The following RTTN variants were observed in gnomAD, a reference collection of about 807,000 sequenced individuals.
The protein encoded by RTTN is rotatin.
In RTTN, 182 loss-of-function variants were observed where a neutral mutation model predicts 269.2. That is an observed-to-expected ratio of 0.68 (90% confidence interval 0.60 to 0.76). RTTN has a LOEUF of 0.76. RTTN is among the 30% of genes least tolerant of loss of function. The probability of loss-of-function intolerance (pLI) is 0.00; values close to 1 mark genes in which losing one functional copy is unlikely to be tolerated. For synonymous variants in RTTN, 1,006 were observed against 963.5 expected (o/e 1.04, Z -0.82); for missense variants, 2,545 against 2,608.6 (o/e 0.98, Z 0.53).
chr18:70,145,838 A>T (rs1599763362), intron 17 of RTTN, 55 bp from the exon 18 acceptor site: 2 of 1,351,032 alleles, frequency 1.5e-6, no homozygotes, highest in Non-Finnish European at 1.0e-6. Flanking sequence ...TGTCTATTTT[A>T]AAAGGGCTTG....
At position 70,114,465 on chromosome 18, in the gene RTTN, A is replaced by C. The variant is rs555257045; in HGVS notation, c.3663T>G (p.Asn1221Lys). ...LIALFDTLLL[N>K]FMEVTDRKCS... ...GGTACCTGTCAGTAACTTCCATGAA[A>C]TTGAGCAGCAAGGTATCAAAAAGAG... The change falls in exon 27 of 49, where the codon AAT (asparagine) becomes AAG (lysine). Residue 1221 changes from asparagine to lysine, a missense_variant. Transcript: ENST00000640769. 5.1e-5 allele frequency: 83 copies of C among 1,613,170 alleles called. No homozygotes were observed. In the East Asian group the frequency reaches 1.7e-3, roughly 34 times the overall value.
intron 40 of RTTN, among the ~76,000 whole-genome samples, chr18:70,039,407 G>GAA (rs796677303): frequency 7.1e-6 from 1 of 141,800 alleles, no homozygotes; most frequent in Non-Finnish European, 1.5e-5. Context: ...GTGCTGCAGG[G>GAA]AAAAAAAAAA....
intron 36 of RTTN, among the ~76,000 whole-genome samples, chr18:70,058,311 G>A: frequency 6.6e-6 from 1 of 152,194 alleles, no homozygotes; most frequent in East Asian, 1.9e-4. Flanking sequence ...GGGGTCAGGA[G>A]TTCAAGACCA....
chr18:70,096,368 GAA>G (rs1475859961), intron 28 of RTTN, among the ~76,000 whole-genome samples: 1 of 152,196 alleles, frequency 6.6e-6, no homozygotes, highest in Non-Finnish European at 1.5e-5. Flanking sequence ...TCCTTTGGAG[GAA>G]AAGAGGCATT....
At chr18:70,198,710 T>C (rs1269561632) in intron 5 of RTTN, among the ~76,000 whole-genome samples, 1 of 152,204 alleles carries the variant, frequency 6.6e-6, no homozygotes, top group African/African-American at 2.4e-5. Flanking sequence ...CCCAACCTTA[T>C]CCACATGGTT....
intron 26 of RTTN, among the ~76,000 whole-genome samples, chr18:70,121,237 C>T (rs965163695): frequency 2.6e-5 from 4 of 152,050 alleles, no homozygotes; most frequent in African/African-American, 9.7e-5. Context: ...TCTCAACATG[C>T]CTATCTGGAC....
At chr18:70,088,189 T>C in intron 30 of RTTN, 42 bp from the exon 31 acceptor site, 1 of 1,543,604 alleles carries the variant, frequency 6.5e-7, no homozygotes, top group Non-Finnish European at 8.8e-7. Flanking sequence ...AAATAAGCCT[T>C]TTTCCTAACA....
In RTTN at chr18:70,150,013, G is replaced by A. The variant is rs2060495891; in HGVS notation, c.2130C>T (p.Asn710=). ...CAGGACAGAGAGATTCAATAAACTT[G>A]TTCCAGGTCAATGCTGTCATCATCA... ...GRLMMTALTW[N]KFIESLCPVI... The change falls in exon 16 of 49, where the codon AAC becomes AAT. Residue 710 remains asparagine (N), a synonymous_variant. Transcript: ENST00000640769. 1.2e-6 allele frequency: 2 copies of A among 1,613,172 alleles called. No individual in the cohort carries two copies. The highest frequency in any genetic ancestry group is 8.5e-7 in the Non-Finnish European group (1 of 1,179,376).
At chr18:70,046,501 T>C (rs147529963) in intron 40 of RTTN, among the ~76,000 whole-genome samples, 3,223 of 152,304 alleles carry the variant, frequency 0.021, 74 homozygotes, top group Non-Finnish European at 0.024. Context: ...TGGGAGACTT[T>C]TGAAAAGGTT....
intron 40 of RTTN, among the ~76,000 whole-genome samples, chr18:70,038,988 G>T (rs1001198452): frequency 6.6e-6 from 1 of 152,092 alleles, no homozygotes; most frequent in Non-Finnish European, 1.5e-5. Context: ...GTAAAAGAAA[G>T]AATTAGTAAA....
intron 17 of RTTN, among the ~76,000 whole-genome samples, chr18:70,146,432 G>A (rs77995316): frequency 9.1e-4 from 138 of 152,276 alleles, no homozygotes; most frequent in African/African-American, 3.2e-3. Context: ...TCACTGAGGC[G>A]GCAGATATTG....
intron 11 of RTTN, among the ~76,000 whole-genome samples, chr18:70,176,274 G>A (rs1021890543): frequency 1.3e-4 from 20 of 151,194 alleles, no homozygotes; most frequent in Non-Finnish European, 2.5e-4. Flanking sequence ...TAACAGCCAA[G>A]TCTTGTCTTT....
At chr18:70,030,838 T>C in intron 41 of RTTN, 38 bp downstream of exon 41, 2 of 1,416,340 alleles carry the variant, frequency 1.4e-6, no homozygotes, top group East Asian at 2.3e-5. Context: ...TATGAATTGA[T>C]AATGCCATCA....
At chr18:70,044,687 A>G (rs1423251025) in intron 40 of RTTN, among the ~76,000 whole-genome samples, 3 of 152,166 alleles carry the variant, frequency 2.0e-5, no homozygotes, top group Non-Finnish European at 4.4e-5. Flanking sequence ...ATATCTTACT[A>G]CAATGCACTC....
intron 28 of RTTN, among the ~76,000 whole-genome samples, chr18:70,104,125 C>T (rs1483343239): frequency 1.3e-5 from 2 of 152,224 alleles, no homozygotes; most frequent in Non-Finnish European, 2.9e-5. Flanking sequence ...TCAGGTACAA[C>T]AATCAAATGT....
At position 70,052,642 on chromosome 18, in the gene RTTN, T is replaced by TATATATA. The variant is rs372511831; in HGVS notation, c.5186-1095_5186-1094insTATATAT. Among the ~76,000 whole-genome samples, 127 of 145,912 alleles carry TATATATA rather than the reference T, an allele frequency of 8.7e-4. 1 individual carries two copies. Among genetic ancestry groups the TATATATA allele is most frequent in the Middle Eastern group, 3.8e-3 (1 of 264 alleles). On this transcript the variant is annotated intron_variant, in intron 38 of 48. Coordinates refer to ENST00000640769, the MANE Select transcript of RTTN (RefSeq NM_173630.4). ...ATAACTTTTCATGTAATTTATTTAC[T>TATATATA]TATATATATATATCATCACAATGTG...
At chr18:70,084,686 T>G (rs143758671) in intron 32 of RTTN, among the ~76,000 whole-genome samples, 192 of 151,858 alleles carry the variant, frequency 1.3e-3, no homozygotes, top group African/African-American at 4.4e-3. Flanking sequence ...GCATACAAGA[T>G]TGTCCTTATT....
Position 70,095,665 on chromosome 18 carries a change from T to C in RTTN, c.3904-2861A>G, listed in dbSNP as rs571876777. ...AGGGTGTCTGAGAGAGATCCGCTGG[T>C]AAGACTAACAGGGATGGGCTTCCCT... is the stretch of plus-strand genomic sequence containing the variant. On this transcript the variant is annotated intron_variant, in intron 28 of 48. Transcript: ENST00000640769. 5.9e-5 allele frequency among the ~76,000 whole-genome samples: 9 copies of C among 152,314 alleles called. No homozygotes were observed. The East Asian group carries it at 1.5e-3, about 26-fold the overall frequency.
chr18:70,081,856 T>C (rs2058577810), intron 32 of RTTN, among the ~76,000 whole-genome samples: 1 of 152,028 alleles, frequency 6.6e-6, no homozygotes, highest in South Asian at 2.1e-4. Flanking sequence ...ATAATTATTA[T>C]TGTGATTATG....
Sources: allele counts gnomAD v4.1 joint callset (sites outside exome capture counted in the v4.1 genomes callset), GRCh38; gene constraint gnomAD v4.1.1; transcripts MANE v1.5; gene names NCBI Gene and HGNC (gene_info 2026-07-23, HGNC 2026-07-21).